Variants in LRMDA observed in about 807,000 individuals in gnomAD.
LRMDA encodes the protein leucine-rich melanocyte differentiation-associated protein.
A neutral mutation model predicts 29.8 loss-of-function variants in LRMDA; 18 were observed. The ratio of observed to expected loss-of-function variants is 0.60; its 90% CI spans 0.42 to 0.90. The LOEUF is 0.90. LRMDA is among the 40% of genes least tolerant of loss of function. The pLI, the probability that LRMDA is intolerant of heterozygous loss-of-function variation, is 0.00. For missense variants in LRMDA, 273 were observed against 273.9 expected, an observed-to-expected ratio of 1.00 and a Z score of 0.02; for synonymous variants, 125 against 109.4, an observed-to-expected ratio of 1.14 and a Z score of -0.89.
intron 6 of LRMDA, among the ~76,000 whole-genome samples, chr10:76,334,216 G>T (rs1475132840): frequency 2.6e-5 from 4 of 152,220 alleles, no homozygotes; most frequent in African/African-American, 9.6e-5. Flanking sequence ...TGAAGCCAAT[G>T]CTTTTGGTCT....
intron 2 of LRMDA, among the ~76,000 whole-genome samples, chr10:75,508,359 C>T (rs1257736306): frequency 6.6e-6 from 1 of 152,130 alleles, no homozygotes; most frequent in African/African-American, 2.4e-5. Context: ...CATAACATGA[C>T]ATTACCTATC....
At chr10:76,240,208 CACCA>C (rs1852246376) in intron 5 of LRMDA, among the ~76,000 whole-genome samples, 1 of 150,936 alleles carries the variant, frequency 6.6e-6, no homozygotes, top group African/African-American at 2.4e-5. Context: ...CACACACACA[CACCA>C]CACACACACA....
intron 4 of LRMDA, among the ~76,000 whole-genome samples, chr10:76,047,875 G>A (rs1052157456): frequency 2.6e-5 from 4 of 152,180 alleles, no homozygotes; most frequent in Admixed American, 1.3e-4. Context: ...ATGCCGTGGC[G>A]CCCACCAGCC....
At chr10:75,760,978 A>G (rs1322924733) in intron 2 of LRMDA, among the ~76,000 whole-genome samples, 1 of 152,200 alleles carries the variant, frequency 6.6e-6, no homozygotes, top group African/African-American at 2.4e-5. Flanking sequence ...CCATTTTTGT[A>G]TTATAAAAAA....
intron 2 of LRMDA, among the ~76,000 whole-genome samples, chr10:75,740,615 C>T (rs553928421): frequency 6.6e-6 from 1 of 152,282 alleles, no homozygotes; most frequent in Non-Finnish European, 1.5e-5. Flanking sequence ...GCCCCCTTAT[C>T]CCTACACAGA....
At chr10:76,299,086 T>C (rs1296378299) in intron 5 of LRMDA, among the ~76,000 whole-genome samples, 3 of 151,776 alleles carry the variant, frequency 2.0e-5, no homozygotes, top group African/African-American at 7.3e-5. Context: ...ACTAAGGCAA[T>C]GAGACAGAAC....
intron 5 of LRMDA, among the ~76,000 whole-genome samples, chr10:76,180,112 T>C (rs544551960): frequency 6.6e-6 from 1 of 152,000 alleles, no homozygotes; most frequent in South Asian, 2.1e-4. Context: ...AATGCGTTAG[T>C]TTCGATTTTG....
chr10:75,755,818 G>A (rs974412067), intron 2 of LRMDA, among the ~76,000 whole-genome samples: 6 of 152,214 alleles, frequency 3.9e-5, no homozygotes, highest in African/African-American at 1.2e-4. Flanking sequence ...TGGGGTCAGC[G>A]ACGTGCCTGG....
At chr10:75,737,844 T>C (rs1385033327) in intron 2 of LRMDA, among the ~76,000 whole-genome samples, 1 of 152,212 alleles carries the variant, frequency 6.6e-6, no homozygotes, top group Non-Finnish European at 1.5e-5. Context: ...ACTGCTGCAC[T>C]GGTGCCAAAT....
chr10:76,054,598 C>G (rs1848580395), intron 4 of LRMDA, among the ~76,000 whole-genome samples: 1 of 151,768 alleles, frequency 6.6e-6, no homozygotes, highest in Non-Finnish European at 1.5e-5. Context: ...GTTTTCTTCA[C>G]CTGAATATTC....
intron 5 of LRMDA, among the ~76,000 whole-genome samples, chr10:76,128,494 T>G (rs552815507): frequency 6.6e-5 from 10 of 152,310 alleles, no homozygotes; most frequent in African/African-American, 2.4e-4. Flanking sequence ...TTGGAGAAAT[T>G]AAAAGCAAAC....
intron 5 of LRMDA, among the ~76,000 whole-genome samples, chr10:76,235,784 T>C (rs1235050689): frequency 1.3e-5 from 2 of 152,186 alleles, no homozygotes; most frequent in African/African-American, 4.8e-5. Context: ...GTTGTCTTCT[T>C]ATACAGATTA....
chr10:76,320,610 T>C (rs568925629), intron 5 of LRMDA, among the ~76,000 whole-genome samples: 1 of 152,334 alleles, frequency 6.6e-6, no homozygotes, highest in Admixed American at 6.5e-5. Flanking sequence ...GGCCTTTTGG[T>C]GTTTTTAAAA....
At position 76,170,560 on chromosome 10, in the gene LRMDA, G is replaced by T. The variant is rs188084651; in HGVS notation, c.516+111777G>T. Among the ~76,000 whole-genome samples, 337 of 152,314 alleles carry T rather than the reference G, an allele frequency of 2.2e-3. 3 individuals are homozygous for T. Among genetic ancestry groups the T allele is most frequent in the African/African-American group, 7.7e-3 (321 of 41,562 alleles). The stretch of plus-strand genomic sequence containing the variant: ...TCTAGCTCAGTTTCTCATACGTAAA[G>T]CAGAGATAATACTGCTACCAATTTT... On this transcript the variant is annotated intron_variant, in intron 5 of 6. Transcript: ENST00000611255.
At chr10:76,353,593 G>A (rs142932095) in intron 6 of LRMDA, among the ~76,000 whole-genome samples, 81 of 152,176 alleles carry the variant, frequency 5.3e-4, no homozygotes, top group African/African-American at 1.7e-3. Flanking sequence ...TAGCTATGCC[G>A]TGGAGAGTTC....
intron 2 of LRMDA, among the ~76,000 whole-genome samples, chr10:75,561,764 A>T (rs932237355): frequency 1.5e-4 from 22 of 151,628 alleles, no homozygotes; most frequent in Non-Finnish European, 1.5e-4. Context: ...GAACATCTTT[A>T]TTTCTGCCTT....
chr10:75,993,732 C>CAA (rs111967250), intron 2 of LRMDA, among the ~76,000 whole-genome samples: 22 of 133,094 alleles, frequency 1.7e-4, no homozygotes, highest in Middle Eastern at 3.8e-3. Context: ...GACTTCATCT[C>CAA]AAAAAAAAAA....
chr10:76,312,749 T>C (rs1840644892), intron 5 of LRMDA, among the ~76,000 whole-genome samples: 1 of 151,606 alleles, frequency 6.6e-6, no homozygotes, highest in Non-Finnish European at 1.5e-5. Flanking sequence ...CTCACAATTT[T>C]TGCTCCCAGA....
intron 2 of LRMDA, among the ~76,000 whole-genome samples, chr10:75,672,524 TCCTCCCCTCCCCTCCCCTCC>T (rs1167556391): frequency 9.6e-5 from 1 of 10,428 alleles, no homozygotes; most frequent in Non-Finnish European, 2.4e-4. Flanking sequence ...TCTTTTCTTT[TCCTCCCCTCCCCTCCCCTCC>T]CCTCCCCTCC....
Sources: allele counts gnomAD v4.1 joint callset (sites outside exome capture counted in the v4.1 genomes callset), GRCh38; gene constraint gnomAD v4.1.1; transcripts MANE v1.5; gene names NCBI Gene and HGNC (gene_info 2026-07-23, HGNC 2026-07-21).